The following DDX60L variants were observed in gnomAD, a reference collection of about 807,000 sequenced individuals.
The protein encoded by DDX60L is probable ATP-dependent RNA helicase DDX60-like.
In DDX60L, 191 loss-of-function variants were observed where a neutral mutation model predicts 211.6. The ratio of observed to expected loss-of-function variants is 0.90; its 90% CI spans 0.80 to 1.02. The LOEUF is 1.02. DDX60L is among the 50% of genes least tolerant of loss of function. The probability of loss-of-function intolerance (pLI) is 0.00; values close to 1 mark genes in which losing one functional copy is unlikely to be tolerated. For synonymous variants in DDX60L, 706 were observed against 694.1 expected (o/e 1.02, Z -0.27); for missense variants, 2,007 against 1,984.1 (o/e 1.01, Z -0.22).
Position 168,431,564 on chromosome 4 carries a change from T to C in DDX60L, c.1516+891A>G, listed in dbSNP as rs191137593. 4.6e-5 allele frequency among the ~76,000 whole-genome samples: 4 copies of C among 86,752 alleles called. No individual in the cohort carries two copies. In the Admixed American group the frequency reaches 5.3e-4, roughly 11 times the overall value. The allele number at this position is 86,752 out of a possible 152,430, so 56.9% of individuals were successfully genotyped here. On this transcript the variant is annotated intron_variant, in intron 12 of 37. Coordinates refer to ENST00000682922, the MANE Select transcript of DDX60L (RefSeq NM_001012967.3). ...CTGGGGACTGTTGTGCGGTGGGGGGTGGGGGGAGGGATAGCATTAAGAGAT... is the reference window on the plus strand; with the variant it reads ...CTGGGGACTGTTGTGCGGTGGGGGGCGGGGGGAGGGATAGCATTAAGAGAT...
intron 10 of DDX60L, among the ~76,000 whole-genome samples, chr4:168,435,893 A>C (rs1231768069): frequency 2.6e-5 from 4 of 152,300 alleles, no homozygotes; most frequent in South Asian, 4.1e-4. Flanking sequence ...TTCAGCAAAA[A>C]TTCAGAGAAT....
rs1389377985 is a variant in DDX60L at position 168,357,374 on chromosome 4, A to G, written c.*773T>C. 2 of 152,262 alleles carry G rather than the reference A, an allele frequency of 1.3e-5. No homozygotes were observed. Among genetic ancestry groups the G allele is most frequent in the Non-Finnish European group, 2.9e-5 (2 of 68,072 alleles). 9.4% of individuals were successfully genotyped at this position (152,262 alleles called of 1,614,324 possible). A position where few individuals can be genotyped will look rare whatever the true frequency, so the allele number is the denominator to read the frequency against. On this transcript the variant is annotated 3_prime_UTR_variant, in exon 38 of 38. Transcript: ENST00000682922. Reference sequence around the variant, plus strand: ...AAACCACAGACTAGATGGCTAAACAACAAACATGTATTTCTCACAATCCTG... The same window carrying G: ...AAACCACAGACTAGATGGCTAAACAGCAAACATGTATTTCTCACAATCCTG...
chr4:168,417,817 A>ATTTGGTCT (rs1749828938), intron 19 of DDX60L, among the ~76,000 whole-genome samples: 1 of 152,212 alleles, frequency 6.6e-6, no homozygotes, highest in African/African-American at 2.4e-5. Context: ...CTTAAACAGA[A>ATTTGGTCT]TACATCGTGA....
intron 28 of DDX60L, 31 bp from the exon 29 acceptor site, chr4:168,391,675 A>G (rs755995566): frequency 6.0e-6 from 7 of 1,175,552 alleles, no homozygotes; most frequent in Non-Finnish European, 8.4e-6. Context: ...CAGTCAATAC[A>G]CAATATAGCA....
chr4:168,452,131 G>C (rs1248416591), intron 8 of DDX60L, among the ~76,000 whole-genome samples: 2 of 152,150 alleles, frequency 1.3e-5, no homozygotes, highest in African/African-American at 4.8e-5. Flanking sequence ...TCCTTCCTTG[G>C]TGCTTATCAC....
At chr4:168,410,823 C>T (rs967280971) in intron 22 of DDX60L, among the ~76,000 whole-genome samples, 2 of 152,164 alleles carry the variant, frequency 1.3e-5, no homozygotes, top group African/African-American at 4.8e-5. Flanking sequence ...CTGTTCAGAT[C>T]ATTTGGTAAT....
chr4:168,396,879 C>T (rs535661569), intron 26 of DDX60L, among the ~76,000 whole-genome samples: 102 of 152,100 alleles, frequency 6.7e-4, no homozygotes, highest in Non-Finnish European at 1.3e-3. Flanking sequence ...AGAAGGGCTA[C>T]GGAAGTTGTT....
intron 29 of DDX60L, among the ~76,000 whole-genome samples, chr4:168,388,291 G>A (rs767064295): frequency 2.0e-5 from 3 of 152,174 alleles, no homozygotes; most frequent in African/African-American, 2.4e-5. Flanking sequence ...GGGAAAGAAG[G>A]AAAAGTCTCT....
intron 36 of DDX60L, among the ~76,000 whole-genome samples, chr4:168,364,635 C>T (rs1324960986): frequency 6.6e-6 from 1 of 152,176 alleles, no homozygotes; most frequent in Admixed American, 6.5e-5. Context: ...CCCACCTCAA[C>T]CTCCCAAAGT....
rs767461447 is a variant in DDX60L at position 168,454,758 on chromosome 4, C to CTTTTTTTTTTTTTTTTTTTTTTTTTTTT, written c.837+1280_837+1281insAAAAAAAAAAAAAAAAAAAAAAAAAAAA. Among the ~76,000 whole-genome samples, 95 of 88,610 alleles carry CTTTTTTTTTTTTTTTTTTTTTTTTTTTT rather than the reference C, an allele frequency of 1.1e-3. 11 individuals are homozygous for CTTTTTTTTTTTTTTTTTTTTTTTTTTTT. The highest frequency in any genetic ancestry group is 3.0e-3 in the African/African-American group (61 of 20,662). The allele number at this position is 88,610 out of a possible 152,430, so 58.1% of individuals were successfully genotyped here. On this transcript the variant is annotated intron_variant, in intron 7 of 37. Transcript: ENST00000682922. ...GTGCTCCCGAAGAGTAAACAGCTTCCTTTTTTTTTTTTTTTTTTTTTAGCA... is the reference window on the plus strand; with the variant it reads ...GTGCTCCCGAAGAGTAAACAGCTTCCTTTTTTTTTTTTTTTTTTTTTTTTTTTTTTTTTTTTTTTTTTTTTTTTTAGCA...
chr4:168,360,037 C>A (rs1738835937), intron 37 of DDX60L, among the ~76,000 whole-genome samples: 1 of 152,092 alleles, frequency 6.6e-6, no homozygotes, highest in African/African-American at 2.4e-5. Flanking sequence ...TCCTTTAAGA[C>A]CTGATTGGAA....
At position 168,427,271 on chromosome 4, in the gene DDX60L, T is replaced by C. The variant is rs1223993932; in HGVS notation, c.1729A>G (p.Lys577Glu). 3.7e-6 allele frequency: 6 copies of C among 1,613,690 alleles called. No homozygotes were observed. Among genetic ancestry groups the C allele is most frequent in the Non-Finnish European group, 5.1e-6 (6 of 1,179,840 alleles). Reference protein sequence around the residue: ...TKKSKKKSFLKEDQNKAQQND... With the variant: ...TKKSKKKSFLEEDQNKAQQND... ...TGCTGAGCTTTGTTCTGATCTTCTT[T>C]GAGAAATGACTTTTTCTTACTCTTT... The change falls in exon 14 of 38, where the codon AAA (lysine) becomes GAA (glutamate). Residue 577 changes from lysine to glutamate, a missense_variant. Lys to Glu is a moderately conservative substitution (Grantham distance 56). Transcript: ENST00000682922.
intron 36 of DDX60L, among the ~76,000 whole-genome samples, chr4:168,368,509 A>G (rs1740393938): frequency 6.6e-6 from 1 of 152,242 alleles, no homozygotes; most frequent in South Asian, 2.1e-4. Context: ...CAGGCAGTGA[A>G]GAAGGAAAAT....
At chr4:168,445,703 TG>T (rs1754673652) in intron 9 of DDX60L, among the ~76,000 whole-genome samples, 2 of 151,346 alleles carry the variant, frequency 1.3e-5, no homozygotes, top group East Asian at 1.9e-4. Flanking sequence ...GCTTCATCCC[TG>T]GGATGCAAGG....
At chr4:168,420,435 A>G in intron 17 of DDX60L, 55 bp from the exon 18 acceptor site, 1 of 1,521,802 alleles carries the variant, frequency 6.6e-7, no homozygotes, top group Non-Finnish European at 8.9e-7. Context: ...GACATATAAA[A>G]CCTTGAGGAC....
At chr4:168,446,304 C>T (rs1406215786) in intron 9 of DDX60L, among the ~76,000 whole-genome samples, 3 of 152,038 alleles carry the variant, frequency 2.0e-5, no homozygotes, top group Non-Finnish European at 4.4e-5. Flanking sequence ...AATAAAATAC[C>T]TAGGAATCCA....
chr4:168,400,361 T>C (rs1746583517), intron 26 of DDX60L, among the ~76,000 whole-genome samples: 1 of 152,206 alleles, frequency 6.6e-6, no homozygotes, highest in Non-Finnish European at 1.5e-5. Flanking sequence ...GAATGATTTA[T>C]ATTCCTTTGG....
At chr4:168,389,984 T>C (rs1744514600) in intron 29 of DDX60L, 2 of 187,914 alleles carry the variant, frequency 1.1e-5, no homozygotes, top group Admixed American at 1.3e-4. Context: ...TGCATTTCTC[T>C]AGACAGAGAC....
At chr4:168,383,243 T>A (rs1390346435) in intron 30 of DDX60L, among the ~76,000 whole-genome samples, 1 of 152,144 alleles carries the variant, frequency 6.6e-6, no homozygotes, top group East Asian at 1.9e-4. Context: ...CATATAATAA[T>A]CAAGAAAATG....
Sources: gnomAD v4.1 joint callset for allele counts (sites outside exome capture counted in the v4.1 genomes callset) on GRCh38, gnomAD v4.1.1 for gene constraint, MANE v1.5 for transcripts, NCBI Gene and HGNC (gene_info 2026-07-23, HGNC 2026-07-21) for gene names.